Variants in REPS1 observed in about 807,000 individuals in gnomAD.
REPS1 encodes the protein ralBP1-associated Eps domain-containing protein 1.
REPS1 carries 39 observed loss-of-function variants against 100.9 expected under a neutral mutation model. The ratio of observed to expected loss-of-function variants is 0.39; its 90% CI spans 0.30 to 0.50. The LOEUF is 0.50. Ranked by LOEUF, REPS1 falls within the 20% of genes least tolerant of loss-of-function variation. REPS1 has a pLI of 0.86. For synonymous variants in REPS1, 324 were observed against 340.3 expected (o/e 0.95, Z 0.53); for missense variants, 821 against 968.5 (o/e 0.85, Z 2.02).
intron 8 of REPS1, chr6:138,934,343 T>C (rs1368495974): frequency 4.2e-6 from 2 of 470,688 alleles, no homozygotes; most frequent in African/African-American, 2.0e-5. Flanking sequence ...AAGAAGAGCA[T>C]GAGCCTAAAT....
At chr6:138,951,671 T>C (rs549465918) in intron 1 of REPS1, among the ~76,000 whole-genome samples, 45 of 152,320 alleles carry the variant, frequency 3.0e-4, no homozygotes, top group African/African-American at 1.1e-3. Flanking sequence ...AGGTGTTTCA[T>C]GAAGATTTGA....
chr6:138,984,765 C>T (rs1397863203), intron 1 of REPS1, among the ~76,000 whole-genome samples: 2 of 152,168 alleles, frequency 1.3e-5, no homozygotes, highest in South Asian at 2.1e-4. Flanking sequence ...CTTTATGAGT[C>T]ATTTCTCTTA....
At chr6:138,975,382 G>C (rs1044930400) in intron 1 of REPS1, among the ~76,000 whole-genome samples, 4 of 152,194 alleles carry the variant, frequency 2.6e-5, no homozygotes, top group African/African-American at 9.6e-5. Flanking sequence ...GAATAGAAGG[G>C]TTGGGAAAGC....
intron 16 of REPS1, 70 bp downstream of exon 16, chr6:138,912,695 G>T: frequency 1.4e-6 from 2 of 1,427,280 alleles, no homozygotes; most frequent in Non-Finnish European, 2.0e-6. Context: ...TCTAATATCT[G>T]CTCTGTTGAC....
intron 1 of REPS1, among the ~76,000 whole-genome samples, chr6:138,965,744 C>T (rs966347860): frequency 5.3e-5 from 8 of 152,134 alleles, no homozygotes; most frequent in Non-Finnish European, 2.9e-5. Context: ...GGAAAGACAA[C>T]ACCTGCAACC....
At chr6:138,949,618 C>T (rs146390509) in intron 1 of REPS1, among the ~76,000 whole-genome samples, 25 of 151,754 alleles carry the variant, frequency 1.6e-4, no homozygotes, top group Middle Eastern at 6.8e-3. Flanking sequence ...TCTAAGTACT[C>T]GGGGGGCTGA....
intron 1 of REPS1, among the ~76,000 whole-genome samples, chr6:138,982,300 T>G (rs1393538430): frequency 1.3e-5 from 2 of 152,248 alleles, no homozygotes; most frequent in Non-Finnish European, 2.9e-5. Context: ...CCATTAAATT[T>G]ATGTGTTATG....
chr6:138,973,343 G>A (rs1784434180), intron 1 of REPS1, among the ~76,000 whole-genome samples: 1 of 152,100 alleles, frequency 6.6e-6, no homozygotes, highest in African/African-American at 2.4e-5. Context: ...ATTTAGGTAA[G>A]TAAGCCTGTG....
chr6:138,921,308 T>A (rs1780737431), intron 10 of REPS1, among the ~76,000 whole-genome samples, 184 bp from the exon 11 acceptor site: 1 of 151,932 alleles, frequency 6.6e-6, no homozygotes, highest in Non-Finnish European at 1.5e-5. Flanking sequence ...AAGCTCACTA[T>A]ATATGCCTAG....
Position 138,979,042 on chromosome 6 carries a change from G to A in REPS1, c.153+8488C>T, listed in dbSNP as rs557830133. 5.3e-5 allele frequency among the ~76,000 whole-genome samples: 8 copies of A among 152,054 alleles called. No individual in the cohort carries two copies. The South Asian group carries it at 1.5e-3, about 28-fold the overall frequency. On this transcript the variant is annotated intron_variant, in intron 1 of 19. Coordinates refer to ENST00000450536, the MANE Select transcript of REPS1 (RefSeq NM_001286611.2). ...CTAAGAAGACAAAAATCAGCCAGGC[G>A]TGGTGGTAGGCACCTGTAATCCCAG...
chr6:138,918,731 AT>A (rs1189639055), intron 12 of REPS1, among the ~76,000 whole-genome samples: 1 of 152,224 alleles, frequency 6.6e-6, no homozygotes, highest in Non-Finnish European at 1.5e-5. Flanking sequence ...TACAATAATA[AT>A]AATTATGAAA....
intron 8 of REPS1, 72 bp downstream of exon 8, chr6:138,941,263 G>A (rs921466617): frequency 6.6e-7 from 1 of 1,511,528 alleles, no homozygotes; most frequent in African/African-American, 1.4e-5. Context: ...CCTCTATCTT[G>A]ATTTTTCTTT....
intron 1 of REPS1, among the ~76,000 whole-genome samples, chr6:138,966,542 G>A (rs1173568282): frequency 6.6e-6 from 1 of 152,116 alleles, no homozygotes; most frequent in East Asian, 1.9e-4. Flanking sequence ...TTTTATAGCT[G>A]AGAGAACTGA....
chr6:138,905,184 A>C (rs765259420), intron 19 of REPS1, 52 bp from the exon 20 acceptor site: 1 of 1,153,672 alleles, frequency 8.7e-7, no homozygotes, highest in Non-Finnish European at 1.3e-6. Flanking sequence ...AAAAATGAAG[A>C]AATATCTAAC....
Position 138,913,379 on chromosome 6 carries a change from G to T in REPS1, c.1786-429C>A, listed in dbSNP as rs1481420419. Among the ~76,000 whole-genome samples, 3 of 151,982 alleles carry T rather than the reference G, an allele frequency of 2.0e-5. No homozygotes were observed. The East Asian group carries it at 5.8e-4, about 29-fold the overall frequency. ...TGCTCTAAAAAGTGTGAAAACCACT[G>T]CTCTATCCTCCCAACATGTCAGGAA... On this transcript the variant is annotated intron_variant, in intron 15 of 19. Transcript: ENST00000450536.
At chr6:138,921,645 T>C (rs1780769795) in intron 10 of REPS1, among the ~76,000 whole-genome samples, 1 of 144,494 alleles carries the variant, frequency 6.9e-6, no homozygotes, top group African/African-American at 2.6e-5. Flanking sequence ...GGCGTGATCT[T>C]GGCTCACTGC....
intron 7 of REPS1, among the ~76,000 whole-genome samples, chr6:138,943,263 TATGCTAGCAACAA>T (rs1782382971): frequency 6.6e-6 from 1 of 152,312 alleles, no homozygotes; most frequent in Non-Finnish European, 1.5e-5. Flanking sequence ...TCTCATACAT[TATGCTAGCAACAA>T]AAAAACAGCT....
At chr6:138,954,272 T>C (rs1404632149) in intron 1 of REPS1, among the ~76,000 whole-genome samples, 1 of 152,086 alleles carries the variant, frequency 6.6e-6, no homozygotes, top group South Asian at 2.1e-4. Flanking sequence ...AGGATGGCTA[T>C]AGTTAACAAT....
At position 138,941,406 on chromosome 6, in the gene REPS1, T is replaced by A; in HGVS notation, c.1064A>T (p.Asn355Ile). ...AAGTTTTTCTGGTAAATCATAGCCATTCTTCCTAGCAACCACCAGATGAAA... is the reference window on the plus strand; with the variant it reads ...AAGTTTTTCTGGTAAATCATAGCCAATCTTCCTAGCAACCACCAGATGAAA... ...AAFHLVVARK[N>I]GYDLPEKLPE... Residue 355 changes from asparagine (N) to isoleucine (I), a missense_variant, in exon 8 of 20, where the codon AAT (asparagine) becomes ATT (isoleucine). Physicochemically the swap from Asn to Ile is moderately radical, Grantham distance 149 (BLOSUM62 -3). This residue lies in a region of REPS1 where 757 missense variants were observed against 866.4 expected (regional missense o/e 0.87). Coordinates refer to ENST00000450536, the MANE Select transcript of REPS1 (RefSeq NM_001286611.2). 6.2e-7 allele frequency: 1 copy of A among 1,614,060 alleles called. No homozygotes were observed.
Sources: allele counts gnomAD v4.1 joint callset (sites outside exome capture counted in the v4.1 genomes callset), GRCh38; gene constraint gnomAD v4.1.1; regional missense constraint gnomAD v4.1.1; transcripts MANE v1.5; gene names NCBI Gene and HGNC (gene_info 2026-07-23, HGNC 2026-07-21).